The following BMP3 variants were observed in gnomAD, a reference collection of about 807,000 sequenced individuals.
BMP3 encodes bone morphogenetic protein 3.
A neutral mutation model predicts 38.1 loss-of-function variants in BMP3; 23 were observed. That is an observed-to-expected ratio of 0.60 (90% CI 0.43 to 0.86). The LOEUF (loss-of-function observed/expected upper bound fraction) is 0.86. BMP3 is among the 40% of genes least tolerant of loss of function. BMP3 has a pLI of 0.00. For missense variants in BMP3, 628 were observed against 579.6 expected, an observed-to-expected ratio of 1.08 and a Z score of -0.86; for synonymous variants, 258 against 225.7, an observed-to-expected ratio of 1.14 and a Z score of -1.28.
rs1370145725 is a variant in BMP3, at chr4:81,031,716, C to G, written c.316+116C>G. On this transcript the variant is annotated intron_variant, in intron 1 of 2. Coordinates refer to ENST00000282701, the MANE Select transcript of BMP3 (RefSeq NM_001201.5). Reference sequence around the variant, plus strand: ...GTGGCGCTGCCTAGGGACCTTTCTCCGCCCTCCTCAGCTGCCCTCTGGATT... The same window carrying G: ...GTGGCGCTGCCTAGGGACCTTTCTCGGCCCTCCTCAGCTGCCCTCTGGATT... The G allele has an allele frequency of 2.4e-6, 3 of 1,264,728 alleles. No individual in the cohort carries two copies. In the Admixed American group the frequency reaches 8.5e-5, roughly 36 times the overall value. The allele number at this position is 1,264,728 out of a possible 1,614,324, so 78.3% of individuals were successfully genotyped here. A position where few individuals can be genotyped will look rare whatever the true frequency, so the allele number is the denominator to read the frequency against.
In BMP3 at chr4:81,046,471, A is replaced by G; in HGVS notation, c.1050A>G (p.Gln350=). ...KGPHRKSQTL[Q]FDEQTLKKAR... ...CTCATCGGAAGAGCCAGACGCTCCA[A>G]TTTGATGAGCAGACCCTGAAAAAGG... The change falls in exon 2 of 3, where the codon CAA becomes CAG. Residue 350 remains glutamine, a synonymous_variant. Coordinates refer to ENST00000282701, the MANE Select transcript of BMP3 (RefSeq NM_001201.5). 2.5e-6 allele frequency: 4 copies of G among 1,614,096 alleles called. 1 individual carries two copies. The South Asian group carries it at 4.4e-5, about 18-fold the overall frequency.
rs556129558 is a variant in BMP3, at chr4:81,057,069, T to A, written c.*3533T>A. 3.1e-4 allele frequency: 48 copies of A among 152,624 alleles called. No individual in the cohort carries two copies. The East Asian group carries it at 7.3e-3, about 23-fold the overall frequency. The allele number at this position is 152,624 out of a possible 1,614,324, so 9.5% of individuals were successfully genotyped here. A position where few individuals can be genotyped will look rare whatever the true frequency, so the allele number is the denominator to read the frequency against. On this transcript the variant is annotated 3_prime_UTR_variant, in exon 3 of 3. Transcript: ENST00000282701. ...GGTAAGTTGGACTTTTCTGTATAGC[T>A]CTTTTTTCCTCTGAGTTGTATTTTA...
intron 1 of BMP3, among the ~76,000 whole-genome samples, chr4:81,036,270 T>A (rs2109902716): frequency 6.6e-6 from 1 of 152,114 alleles, no homozygotes; most frequent in South Asian, 2.1e-4. Context: ...ATTACTACCT[T>A]GATGAAAGAC....
At chr4:81,036,019 T>C (rs951556813) in intron 1 of BMP3, among the ~76,000 whole-genome samples, 4 of 152,134 alleles carry the variant, frequency 2.6e-5, no homozygotes, top group South Asian at 4.1e-4. Context: ...TTGGGTTCAA[T>C]TGGCATTGTA....
At chr4:81,036,714 A>G (rs1171162504) in intron 1 of BMP3, among the ~76,000 whole-genome samples, 1 of 152,026 alleles carries the variant, frequency 6.6e-6, no homozygotes. Context: ...CCTGGATCAT[A>G]TCTACTTTTG....
intron 2 of BMP3, among the ~76,000 whole-genome samples, chr4:81,047,255 TA>T (rs1315550011): frequency 7.2e-5 from 11 of 152,330 alleles, no homozygotes; most frequent in African/African-American, 2.6e-4. Context: ...GATGACTCTG[TA>T]AACTTTTGCC....
chr4:81,031,424 A>C lies in BMP3; in HGVS notation c.140A>C (p.Asp47Ala), dbSNP rs1441218970. The change falls in exon 1 of 3, where the codon GAC becomes GCC. Residue 47 changes from aspartate to alanine, a missense_variant. Coordinates refer to ENST00000282701, the MANE Select transcript of BMP3 (RefSeq NM_001201.5). ...PGDRTAGGGP[D>A]SELQPQDKVS... Reference sequence around the variant, plus strand: ...GACCGCACGGCAGGTGGTGGCCCGGACTCCGAGCTGCAGCCGCAAGACAAG... The same window carrying C: ...GACCGCACGGCAGGTGGTGGCCCGGCCTCCGAGCTGCAGCCGCAAGACAAG... 1 of 1,613,486 alleles carries C rather than the reference A, an allele frequency of 6.2e-7. No individual in the cohort carries two copies. Among genetic ancestry groups the C allele is most frequent in the East Asian group, 2.2e-5 (1 of 44,816 alleles).
At chr4:81,036,808 ACAT>A (rs1739936249) in intron 1 of BMP3, among the ~76,000 whole-genome samples, 1 of 152,036 alleles carries the variant, frequency 6.6e-6, no homozygotes, top group South Asian at 2.1e-4. Context: ...TAGTTTATCT[ACAT>A]GTTAGCAGTG....
Position 81,045,781 on chromosome 4 carries a change from G to T in BMP3, c.360G>T (p.Ser120=). The T allele has an allele frequency of 6.2e-7, 1 of 1,612,254 alleles. No homozygotes were observed. The highest frequency in any genetic ancestry group is 8.5e-7 in the Non-Finnish European group (1 of 1,179,442). Residue 120 remains serine, a synonymous_variant, in exon 2 of 3, where the codon TCG becomes TCT. Transcript: ENST00000282701. ...GACTGTATATCTTCAATCTGACATC[G>T]CTAACCAAGTCTGAAAACATTTTGT... ...RKGLYIFNLT[S]LTKSENILSA...
At chr4:81,042,909 T>C (rs183286530) in intron 1 of BMP3, among the ~76,000 whole-genome samples, 235 of 152,274 alleles carry the variant, frequency 1.5e-3, no homozygotes, top group African/African-American at 5.4e-3. Flanking sequence ...CTCTGAACAG[T>C]CCTGATGCCA....
chr4:81,043,941 G>A (rs920082114), intron 1 of BMP3, among the ~76,000 whole-genome samples: 1 of 152,142 alleles, frequency 6.6e-6, no homozygotes, highest in Non-Finnish European at 1.5e-5. Flanking sequence ...CTGTAAGACT[G>A]TTAATACCAG....
At chr4:81,037,769 A>G (rs539408506) in intron 1 of BMP3, among the ~76,000 whole-genome samples, 14 of 152,246 alleles carry the variant, frequency 9.2e-5, no homozygotes, top group African/African-American at 1.4e-4. Flanking sequence ...TATTCAACAA[A>G]TGTACTATTT....
chr4:81,052,620 T>G (rs1209592976), intron 2 of BMP3, among the ~76,000 whole-genome samples: 1 of 152,112 alleles, frequency 6.6e-6, no homozygotes, highest in African/African-American at 2.4e-5. Flanking sequence ...AGAACACAAC[T>G]CCATGCCTAA....
chr4:81,042,186 G>A (rs1285762267), intron 1 of BMP3, among the ~76,000 whole-genome samples: 3 of 151,990 alleles, frequency 2.0e-5, no homozygotes, highest in African/African-American at 4.8e-5. Context: ...GTATTGCTAC[G>A]ATATCTTATA....
intron 2 of BMP3, among the ~76,000 whole-genome samples, chr4:81,051,968 T>G (rs1430563883): frequency 6.6e-6 from 1 of 152,090 alleles, no homozygotes; most frequent in African/African-American, 2.4e-5. Context: ...GGGATGAGAT[T>G]TAACCTTTCT....
chr4:81,031,468 C>A lies in BMP3; in HGVS notation c.184C>A (p.Arg62=). ...PQDKVSEHML[R]LYDRYSTVQA... is the part of the protein sequence containing the mutation. ...AGACAAGGTCTCTGAACACATGCTG[C>A]GGCTCTATGACAGGTACAGCACGGT... Residue 62 remains arginine (R), a synonymous_variant, in exon 1 of 3, where the codon CGG becomes AGG. Coordinates refer to ENST00000282701, the MANE Select transcript of BMP3 (RefSeq NM_001201.5). 6.2e-7 allele frequency: 1 copy of A among 1,613,456 alleles called. No homozygotes were observed. Among genetic ancestry groups the A allele is most frequent in the Non-Finnish European group, 8.5e-7 (1 of 1,179,730 alleles).
intron 1 of BMP3, among the ~76,000 whole-genome samples, chr4:81,041,939 CAT>C (rs1223262005): frequency 1.3e-5 from 2 of 150,198 alleles, no homozygotes; most frequent in Non-Finnish European, 3.0e-5. Context: ...ATCATCATGG[CAT>C]AGTCTTTTTT....
At chr4:81,051,238 G>C (rs1445074004) in intron 2 of BMP3, among the ~76,000 whole-genome samples, 1 of 152,124 alleles carries the variant, frequency 6.6e-6, no homozygotes, top group East Asian at 1.9e-4. Context: ...TCTACACCAG[G>C]TCATTTGCAC....
intron 2 of BMP3, among the ~76,000 whole-genome samples, chr4:81,051,527 T>G (rs1292799135): frequency 6.6e-6 from 1 of 152,180 alleles, no homozygotes; most frequent in African/African-American, 2.4e-5. Flanking sequence ...AGTTTTCGCT[T>G]TATGACAAGC....
Sources: gnomAD v4.1 joint callset for allele counts (sites outside exome capture counted in the v4.1 genomes callset) on GRCh38, gnomAD v4.1.1 for gene constraint, MANE v1.5 for transcripts, NCBI Gene and HGNC (gene_info 2026-07-23, HGNC 2026-07-21) for gene names.